Variants in PGK1 observed in about 807,000 individuals in gnomAD.
PGK1 encodes phosphoglycerate kinase 1.
In PGK1, 3 loss-of-function variants were observed where a neutral mutation model predicts 26.9. That is an observed-to-expected ratio of 0.11 (90% CI 0.05 to 0.29). The LOEUF is 0.29. PGK1 is among the 10% of genes least tolerant of loss of function. The pLI, the probability that PGK1 is intolerant of heterozygous loss-of-function variation, is 1.00. For missense variants in PGK1, 270 were observed against 314.7 expected, an observed-to-expected ratio of 0.86 and a Z score of 1.07; for synonymous variants, 125 against 115.3, an observed-to-expected ratio of 1.08 and a Z score of -0.54.
Position 78,128,041 on chromosome X carries a change from T to C in PGK1, c.*2211T>C, listed in dbSNP as rs782328149. 8.9e-6 allele frequency: 1 copy of C among 112,678 alleles called. No homozygotes were observed. Among genetic ancestry groups the C allele is most frequent in the East Asian group, 2.8e-4 (1 of 3,608 alleles). The allele number at this position is 112,678 out of a possible 1,213,427, so 9.3% of individuals were successfully genotyped here. On this transcript the variant is annotated 3_prime_UTR_variant, in exon 11 of 11. Transcript: ENST00000373316. ...TTTAAGTACTTTCTACTGGACTGTTTCCAGGATCACCCCTCATTTATTTGG... is the reference window on the plus strand; with the variant it reads ...TTTAAGTACTTTCTACTGGACTGTTCCCAGGATCACCCCTCATTTATTTGG...
At chrX:78,120,750 T>C (rs926814375) in intron 6 of PGK1, among the ~76,000 whole-genome samples, 74 of 111,731 alleles carry the variant, frequency 6.6e-4, no homozygotes, top group African/African-American at 2.2e-3. Context: ...CCTGCCTTGG[T>C]CTCCCAAAGT....
chrX:78,117,439 C>T, intron 5 of PGK1, 24 bp downstream of exon 5: 1 of 959,299 alleles, frequency 1.0e-6, no homozygotes, highest in South Asian at 1.9e-5. Flanking sequence ...TGTAGACTAC[C>T]ACACTGAGAA....
In PGK1 at chrX:78,128,322, G is replaced by C. The variant is rs2078392128; in HGVS notation, c.*2492G>C. The C allele has an allele frequency of 8.8e-6, 1 of 113,366 alleles. No homozygotes were observed. The highest frequency in any genetic ancestry group is 1.9e-5 in the Non-Finnish European group (1 of 53,494). The allele number at this position is 113,366 out of a possible 1,213,427, so 9.3% of individuals were successfully genotyped here. A position where few individuals can be genotyped will look rare whatever the true frequency, so the allele number is the denominator to read the frequency against. ...GGACTTTGGGAGGCCAAGGCGGGCA[G>C]ATCACCTGTCAGGAGTTTGGGACCA... On this transcript the variant is annotated 3_prime_UTR_variant, in exon 11 of 11. Coordinates refer to ENST00000373316, the MANE Select transcript of PGK1 (RefSeq NM_000291.4).
rs782797917 is a variant in PGK1 at position 78,125,042 on chromosome X, A to T, written c.1105A>T (p.Thr369Ser). ...VVKATSRGCI[T>S]IIGGGDTATC... Reference sequence around the variant, plus strand: ...GAAAGCCACTTCTAGGGGCTGCATCACCATCATAGGTAAGCGGTCCTATAC... The same window carrying T: ...GAAAGCCACTTCTAGGGGCTGCATCTCCATCATAGGTAAGCGGTCCTATAC... Residue 369 changes from threonine (T) to serine (S), a missense_variant, in exon 9 of 11, where the codon ACC (threonine) becomes TCC (serine). Physicochemically the swap from Thr to Ser is moderately conservative, Grantham distance 58. Around this residue, in one of 3 missense-constraint regions of PGK1, gnomAD observed 103 missense variants for 114.6 expected, o/e 0.90. Coordinates refer to ENST00000373316, the MANE Select transcript of PGK1 (RefSeq NM_000291.4). 2 of 1,206,755 alleles carry T rather than the reference A, an allele frequency of 1.7e-6. No individual in the cohort carries two copies.
At chrX:78,105,102 C>T (rs1603396043) in intron 1 of PGK1, among the ~76,000 whole-genome samples, 1 of 112,279 alleles carries the variant, frequency 8.9e-6, no homozygotes, top group African/African-American at 3.2e-5. Flanking sequence ...CTCATACTTG[C>T]TGGCCTCCAA....
At chrX:78,109,804 A>G (rs1397687341) in intron 1 of PGK1, 63 bp from the exon 2 acceptor site, 2 of 754,136 alleles carry the variant, frequency 2.7e-6, no homozygotes, top group Admixed American at 4.5e-5. Context: ...TTCATTAAAA[A>G]TGCATCTCCT....
At position 78,125,125 on chromosome X, in the gene PGK1, ACTT is replaced by A. The variant is rs1369955472; in HGVS notation, c.1114+80_1114+82del. On this transcript the variant is annotated intron_variant, in intron 9 of 10. Transcript: ENST00000373316. ...TGATCAGAGGAAGGTGGAATGGAGA[ACTT>A]CTTCTATGTCTCTTTATTCTGGGTA... 2.4e-5 allele frequency: 22 copies of A among 925,640 alleles called. No individual in the cohort carries two copies. In the East Asian group the frequency reaches 5.9e-4, roughly 25 times the overall value. The allele number at this position is 925,640 out of a possible 1,213,427, so 76.3% of individuals were successfully genotyped here. A position where few individuals can be genotyped will look rare whatever the true frequency, so the allele number is the denominator to read the frequency against.
At chrX:78,116,651 G>T (rs2078327969) in intron 4 of PGK1, among the ~76,000 whole-genome samples, 1 of 112,619 alleles carries the variant, frequency 8.9e-6, no homozygotes, top group Non-Finnish European at 1.9e-5. Context: ...TTTGGGGTAT[G>T]CCTTGATGGC....
intron 1 of PGK1, chrX:78,106,441 CAG>C: frequency 5.4e-6 from 4 of 745,905 alleles, no homozygotes; most frequent in Non-Finnish European, 4.8e-6. Flanking sequence ...TTCTTTTGAA[CAG>C]AGAGTCACAT....
intron 6 of PGK1, among the ~76,000 whole-genome samples, chrX:78,120,760 T>C (rs1569550878): frequency 8.9e-6 from 1 of 111,841 alleles, no homozygotes. Flanking sequence ...TCTCCCAAAG[T>C]GTTGAGATTA....
In PGK1 at chrX:78,127,277, G is replaced by C. The variant is rs1452184518; in HGVS notation, c.*1447G>C. ...TAGTTTGGCTATATATAGAATTTTA[G>C]CCTGAGTATCACTTTTTGAGACTCG... On this transcript the variant is annotated 3_prime_UTR_variant, in exon 11 of 11. Transcript: ENST00000373316. 8.9e-6 allele frequency: 1 copy of C among 112,582 alleles called. No homozygotes were observed. The highest frequency in any genetic ancestry group is 1.9e-5 in the Non-Finnish European group (1 of 53,327). The allele number at this position is 112,582 out of a possible 1,213,427, so 9.3% of individuals were successfully genotyped here. A position where few individuals can be genotyped will look rare whatever the true frequency, so the allele number is the denominator to read the frequency against.
At chrX:78,109,016 G>A (rs2078286292) in intron 1 of PGK1, among the ~76,000 whole-genome samples, 1 of 112,140 alleles carries the variant, frequency 8.9e-6, no homozygotes, top group African/African-American at 3.2e-5. Flanking sequence ...ATACATTATT[G>A]TTTTCATTCA....
chrX:78,115,783 G>A (rs782565153), intron 4 of PGK1, among the ~76,000 whole-genome samples: 1 of 112,168 alleles, frequency 8.9e-6, no homozygotes, highest in Non-Finnish European at 1.9e-5. Context: ...ATGAGAAATG[G>A]GTTCTGATTG....
chrX:78,125,266 G>T (rs1455304065), intron 9 of PGK1, 61 bp from the exon 10 acceptor site: 2 of 940,579 alleles, frequency 2.1e-6, no homozygotes, highest in African/African-American at 1.9e-5. Flanking sequence ...TACAGTTTTG[G>T]TGCCAATCCC....
At chrX:78,125,230 C>T (rs1557248541) in intron 9 of PGK1, 97 bp from the exon 10 acceptor site, 6 of 769,772 alleles carry the variant, frequency 7.8e-6, no homozygotes, top group African/African-American at 6.2e-5. Flanking sequence ...TATCAGCTAC[C>T]TTTTGGGTTG....
At position 78,107,701 on chromosome X, in the gene PGK1, A is replaced by G. The variant is rs782122075; in HGVS notation, c.66-2166A>G. Among the ~76,000 whole-genome samples, 8 of 111,747 alleles carry G rather than the reference A, an allele frequency of 7.2e-5. No homozygotes were observed. The East Asian group carries it at 1.1e-3, about 16-fold the overall frequency. ...AAATACAGCTGCTGTGAACATTTGTATACAAGTCTTGGTATGGACATACGC... is the reference window on the plus strand; with the variant it reads ...AAATACAGCTGCTGTGAACATTTGTGTACAAGTCTTGGTATGGACATACGC... On this transcript the variant is annotated intron_variant, in intron 1 of 10. Transcript: ENST00000373316.
rs892468354 is a variant in PGK1 at position 78,128,533 on chromosome X, A to T, written c.*2703A>T. 4.4e-5 allele frequency: 5 copies of T among 112,585 alleles called. No individual in the cohort carries two copies. The highest frequency in any genetic ancestry group is 9.4e-5 in the Non-Finnish European group (5 of 53,335). 9.3% of individuals were successfully genotyped at this position (112,585 alleles called of 1,213,427 possible). A position where few individuals can be genotyped will look rare whatever the true frequency, so the allele number is the denominator to read the frequency against. ...GCATTCCTGCTTGGGCGACAGAGTGAGACTCTGCCTCAAAACAAAAACCCC... is the reference window on the plus strand; with the variant it reads ...GCATTCCTGCTTGGGCGACAGAGTGTGACTCTGCCTCAAAACAAAAACCCC... On this transcript the variant is annotated 3_prime_UTR_variant, in exon 11 of 11. Coordinates refer to ENST00000373316, the MANE Select transcript of PGK1 (RefSeq NM_000291.4).
Position 78,114,121 on chromosome X carries a change from G to A in PGK1, c.378G>A (p.Val126=), listed in dbSNP as rs782341365. The change falls in exon 4 of 11, where the codon GTG becomes GTA. Residue 126 remains valine (V), a synonymous_variant. Coordinates refer to ENST00000373316, the MANE Select transcript of PGK1 (RefSeq NM_000291.4). ...VILLENLRFH[V]EEEGKGKDAS... ...TGCTGGAGAACCTCCGCTTTCATGT[G>A]GAGGAAGAAGGGAAGGGAAAAGATG... is the stretch of plus-strand genomic sequence containing the variant. 1 of 1,210,865 alleles carries A rather than the reference G, an allele frequency of 8.3e-7. No individual in the cohort carries two copies. The highest frequency in any genetic ancestry group is 2.2e-5 in the Admixed American group (1 of 46,024).
intron 2 of PGK1, among the ~76,000 whole-genome samples, chrX:78,111,816 T>C (rs2078302834): frequency 9.0e-6 from 1 of 111,624 alleles, no homozygotes. Context: ...ATTTTAAGAG[T>C]AAAGAAACAT....
Sources: allele counts gnomAD v4.1 joint callset (sites outside exome capture counted in the v4.1 genomes callset), GRCh38; gene constraint gnomAD v4.1.1; regional missense constraint gnomAD v4.1.1; transcripts MANE v1.5; gene names NCBI Gene and HGNC (gene_info 2026-07-23, HGNC 2026-07-21).